The following ZNF385D variants were observed in gnomAD, a reference collection of about 807,000 sequenced individuals.
ZNF385D encodes the protein zinc finger protein 385D, also known as zinc finger protein 659.
Under a neutral mutation model 35.8 loss-of-function variants are expected in ZNF385D, and 15 were observed. The ratio of observed to expected loss-of-function variants is 0.42; its 90% CI spans 0.28 to 0.64. The LOEUF is 0.64. Among genes scored for constraint, ZNF385D ranks in the 30% least tolerant of loss-of-function variants. The pLI, the probability that ZNF385D is intolerant of heterozygous loss-of-function variation, is 0.23. For missense variants in ZNF385D, 474 were observed against 494.6 expected, an observed-to-expected ratio of 0.96 and a Z score of 0.39; for synonymous variants, 212 against 186.8, an observed-to-expected ratio of 1.13 and a Z score of -1.10.
At chr3:22,093,958 T>G (rs1394492338) in intron 3 of ZNF385D, among the ~76,000 whole-genome samples, 1 of 152,132 alleles carries the variant, frequency 6.6e-6, no homozygotes, top group Non-Finnish European at 1.5e-5. Context: ...CCCACCCACT[T>G]GGTTCCATCC....
intron 1 of ZNF385D, among the ~76,000 whole-genome samples, chr3:21,725,721 G>A (rs547513753): frequency 1.1e-4 from 16 of 152,234 alleles, no homozygotes; most frequent in Middle Eastern, 3.4e-3. Context: ...TCCAGGACCA[G>A]AAAAATTGAC....
chr3:22,146,056 G>A (rs17594288), intron 3 of ZNF385D, among the ~76,000 whole-genome samples: 6,696 of 152,142 alleles, frequency 0.044, 196 homozygotes, highest in Admixed American at 0.066. Flanking sequence ...CACATCCGCA[G>A]GGCCCTGAAA....
At chr3:22,008,591 C>G (rs896349241) in intron 3 of ZNF385D, among the ~76,000 whole-genome samples, 2 of 152,064 alleles carry the variant, frequency 1.3e-5, no homozygotes, top group African/African-American at 4.8e-5. Context: ...CTCCTGACCT[C>G]GTGATCCGCC....
intron 1 of ZNF385D, among the ~76,000 whole-genome samples, chr3:21,711,263 G>C (rs752030743): frequency 6.6e-6 from 1 of 151,562 alleles, no homozygotes; most frequent in African/African-American, 2.4e-5. Flanking sequence ...GGATGGTCTC[G>C]ATCTCCTGAC....
At chr3:21,606,129 A>C (rs930700841) in intron 2 of ZNF385D, among the ~76,000 whole-genome samples, 1 of 152,150 alleles carries the variant, frequency 6.6e-6, no homozygotes, top group Non-Finnish European at 1.5e-5. Context: ...GAAGTCAGAG[A>C]ACATATTCTC....
At chr3:22,235,711 A>G (rs1189172291) in intron 2 of ZNF385D, among the ~76,000 whole-genome samples, 1 of 152,118 alleles carries the variant, frequency 6.6e-6, no homozygotes, top group Admixed American at 6.6e-5. Flanking sequence ...AAATCAAAAT[A>G]CTTTGCAGTT....
At chr3:21,477,481 T>C (rs1185850551) in intron 4 of ZNF385D, among the ~76,000 whole-genome samples, 1 of 152,058 alleles carries the variant, frequency 6.6e-6, no homozygotes, top group Non-Finnish European at 1.5e-5. Flanking sequence ...AGAATTTGCA[T>C]CATATTTAAA....
chr3:22,068,843 G>T (rs929568315), intron 3 of ZNF385D, among the ~76,000 whole-genome samples: 1 of 152,152 alleles, frequency 6.6e-6, no homozygotes, highest in Non-Finnish European at 1.5e-5. Flanking sequence ...CAAGTAACAT[G>T]GGGCCCGCCC....
At chr3:21,963,638 C>T (rs11129035) in intron 3 of ZNF385D, among the ~76,000 whole-genome samples, 37,486 of 152,012 alleles carry the variant, frequency 0.25, 5,127 homozygotes, top group East Asian at 0.32. Context: ...TCCATTCATA[C>T]GCCTTTAAGT....
intron 3 of ZNF385D, among the ~76,000 whole-genome samples, chr3:21,515,832 CT>C (rs1291912159): frequency 6.6e-6 from 1 of 152,128 alleles, no homozygotes; most frequent in Non-Finnish European, 1.5e-5. Flanking sequence ...CCTAATCCTG[CT>C]AAAATGTAGG....
chr3:21,493,386 G>A (rs1291270497), intron 4 of ZNF385D, among the ~76,000 whole-genome samples: 1 of 152,016 alleles, frequency 6.6e-6, no homozygotes, highest in Non-Finnish European at 1.5e-5. Context: ...CTTTTTGGAT[G>A]AGGCTAAAAT....
chr3:21,528,665 A>G (rs1190318839), intron 3 of ZNF385D, among the ~76,000 whole-genome samples: 1 of 152,232 alleles, frequency 6.6e-6, no homozygotes, highest in Non-Finnish European at 1.5e-5. Context: ...TGGATATTAC[A>G]TGAGCAAAAC....
intron 3 of ZNF385D, among the ~76,000 whole-genome samples, chr3:22,004,573 C>T (rs764812175): frequency 6.6e-6 from 1 of 152,056 alleles, no homozygotes; most frequent in Admixed American, 6.6e-5. Flanking sequence ...CTGGGAGCTC[C>T]TTAGGGCAAA....
rs527291677 is a variant in ZNF385D, at chr3:21,434,084, G to A, written c.673+2886C>T. 5.9e-5 allele frequency among the ~76,000 whole-genome samples: 9 copies of A among 152,030 alleles called. No individual in the cohort carries two copies. In the East Asian group the frequency reaches 9.7e-4, roughly 16 times the overall value. On this transcript the variant is annotated intron_variant, in intron 5 of 7. Coordinates refer to ENST00000281523, the MANE Select transcript of ZNF385D (RefSeq NM_024697.3). ...ATTATAAATATGAAGAAATAGAATCGGAATTAATTTAATTCTGTCATTTTT... is the reference window on the plus strand; with the variant it reads ...ATTATAAATATGAAGAAATAGAATCAGAATTAATTTAATTCTGTCATTTTT...
At chr3:22,321,164 G>GTTTTTTTTTTTTTTTT in intron 2 of ZNF385D, among the ~76,000 whole-genome samples, 25 of 76,146 alleles carry the variant, frequency 3.3e-4, no homozygotes, top group East Asian at 4.7e-4. Flanking sequence ...TTATGACCTT[G>GTTTTTTTTTTTTTTTT]TTTTTTTTTT....
intron 2 of ZNF385D, among the ~76,000 whole-genome samples, chr3:22,252,145 T>G (rs1029811367): frequency 5.3e-5 from 8 of 151,898 alleles, no homozygotes; most frequent in African/African-American, 1.9e-4. Flanking sequence ...ATGTAAACAT[T>G]AGACTGTGAT....
intron 3 of ZNF385D, among the ~76,000 whole-genome samples, chr3:21,774,445 C>T (rs1376694281): frequency 6.6e-6 from 1 of 151,684 alleles, no homozygotes; most frequent in African/African-American, 2.4e-5. Context: ...AAGTTGGAAT[C>T]AAAAACAAAA....
intron 3 of ZNF385D, among the ~76,000 whole-genome samples, chr3:21,561,538 C>T (rs1269157580): frequency 1.3e-5 from 2 of 152,186 alleles, no homozygotes; most frequent in Non-Finnish European, 2.9e-5. Context: ...CAGAAATCAC[C>T]TGCCTTCTGC....
At chr3:21,870,351 G>A (rs1421788561) in intron 3 of ZNF385D, among the ~76,000 whole-genome samples, 2 of 152,122 alleles carry the variant, frequency 1.3e-5, no homozygotes, top group African/African-American at 4.8e-5. Flanking sequence ...TAAGGTAAAG[G>A]GCAGGCCCTA....
Sources: allele counts gnomAD v4.1 joint callset (sites outside exome capture counted in the v4.1 genomes callset), GRCh38; gene constraint gnomAD v4.1.1; transcripts MANE v1.5; gene names NCBI Gene and HGNC (gene_info 2026-07-23, HGNC 2026-07-21).